Variants in PDZRN3 observed in about 807,000 individuals in gnomAD.
PDZRN3 encodes the protein E3 ubiquitin-protein ligase PDZRN3.
In PDZRN3, 38 loss-of-function variants were observed where a neutral mutation model predicts 85.7. The observed-to-expected ratio is 0.44, with a 90% confidence interval of 0.34 to 0.58. The LOEUF is 0.58. PDZRN3 is among the 20% of genes least tolerant of loss of function. The pLI is 0.01. For missense variants in PDZRN3, 1,629 were observed against 1,506.4 expected (o/e 1.08, Z -1.35); for synonymous variants, 759 against 638.0 (o/e 1.19, Z -2.86).
rs200099704 is a variant in PDZRN3 at position 73,384,199 on chromosome 3, C to T, written c.2367G>A (p.Pro789=). The T allele has an allele frequency of 9.6e-5, 155 of 1,613,820 alleles. No individual in the cohort carries two copies. Among genetic ancestry groups the T allele is most frequent in the Non-Finnish European group, 1.2e-4 (147 of 1,180,036 alleles). The change falls in exon 10 of 10, where the codon CCG becomes CCA. Residue 789 remains proline, a synonymous_variant. Transcript: ENST00000263666. ...TGGTCCCCACAGCCCCTTCGCTGCT[C>T]GGGCAGCTGATGCCCTCCGCCGCTC... ...LRRAAEGISC[P]SSEGAVGTTE... is the part of the protein sequence containing the mutation.
intron 3 of PDZRN3, among the ~76,000 whole-genome samples, chr3:73,440,029 C>T (rs138836957): frequency 1.9e-4 from 29 of 151,288 alleles, no homozygotes; most frequent in African/African-American, 5.2e-4. Context: ...TGAGCCACCG[C>T]GCCCAGACTC....
intron 3 of PDZRN3, among the ~76,000 whole-genome samples, chr3:73,505,845 T>G (rs937769413): frequency 6.6e-6 from 1 of 151,826 alleles, no homozygotes; most frequent in Middle Eastern, 3.2e-3. Flanking sequence ...AAAAATAAAA[T>G]TGCGCTGGAT....
At chr3:73,554,742 A>C (rs2106814480) in intron 3 of PDZRN3, among the ~76,000 whole-genome samples, 1 of 152,322 alleles carries the variant, frequency 6.6e-6, no homozygotes, top group African/African-American at 2.4e-5. Flanking sequence ...TCTTTCACAC[A>C]AATATTCTCA....
intron 3 of PDZRN3, among the ~76,000 whole-genome samples, chr3:73,432,705 A>G (rs942856733): frequency 4.6e-5 from 7 of 152,256 alleles, no homozygotes; most frequent in African/African-American, 1.7e-4. Context: ...AAATATATTA[A>G]TATGCCATTG....
At chr3:73,457,607 C>T (rs893836297) in intron 3 of PDZRN3, among the ~76,000 whole-genome samples, 2 of 152,120 alleles carry the variant, frequency 1.3e-5, no homozygotes, top group African/African-American at 4.8e-5. Flanking sequence ...CATCATTTTG[C>T]AAGCCCAGTA....
intron 3 of PDZRN3, among the ~76,000 whole-genome samples, chr3:73,446,425 T>G (rs145504713): frequency 7.8e-4 from 119 of 152,236 alleles, no homozygotes; most frequent in African/African-American, 2.7e-3. Flanking sequence ...CTGGTAAAAT[T>G]AGAGGGGAAC....
At chr3:73,541,029 A>G (rs1051223769) in intron 3 of PDZRN3, among the ~76,000 whole-genome samples, 1 of 152,230 alleles carries the variant, frequency 6.6e-6, no homozygotes, top group East Asian at 1.9e-4. Context: ...AAAACTTCTT[A>G]AGAAGCAAAG....
At chr3:73,525,652 G>A (rs57956598) in intron 3 of PDZRN3, among the ~76,000 whole-genome samples, 4,558 of 152,258 alleles carry the variant, frequency 0.03, 214 homozygotes, top group African/African-American at 0.1. Flanking sequence ...CTCATGATGA[G>A]CAGCTACTTT....
At chr3:73,610,602 G>A (rs1702668319) in intron 1 of PDZRN3, among the ~76,000 whole-genome samples, 2 of 152,164 alleles carry the variant, frequency 1.3e-5, no homozygotes, top group Non-Finnish European at 1.5e-5. Context: ...GGGGTGAAAA[G>A]TTAGAAATAC....
rs1488166971 is a variant in PDZRN3 at position 73,385,917 on chromosome 3, GC to G, written c.1519-133del. On this transcript the variant is annotated intron_variant, in intron 8 of 9. Coordinates refer to ENST00000263666, the MANE Select transcript of PDZRN3 (RefSeq NM_015009.3). The stretch of plus-strand genomic sequence containing the variant: ...TCCAAGAGTCATCAAAATGCAGTCT[GC>G]CCAATGATTTGCTGTTAAGTCAGGA... The G allele has an allele frequency of 4.8e-6, 3 of 626,954 alleles. No homozygotes were observed. In the African/African-American group the frequency reaches 5.5e-5, roughly 12 times the overall value. The allele number at this position is 626,954 out of a possible 1,614,324, so 38.8% of individuals were successfully genotyped here.
At chr3:73,402,941 C>CTTTGTTTTTTTTTT (rs1701780823) in intron 4 of PDZRN3, among the ~76,000 whole-genome samples, 1 of 115,674 alleles carries the variant, frequency 8.6e-6, no homozygotes, top group Non-Finnish European at 1.7e-5. Context: ...ACATGAAAAG[C>CTTTGTTTTTTTTTT]TTTTTTTTTT....
intron 3 of PDZRN3, among the ~76,000 whole-genome samples, chr3:73,534,282 T>C (rs1352742850): frequency 6.6e-6 from 1 of 152,202 alleles, no homozygotes; most frequent in African/African-American, 2.4e-5. Flanking sequence ...AAGGGCTGAA[T>C]CAGTGGGTGA....
intron 3 of PDZRN3, chr3:73,434,072 A>C (rs1702486148): frequency 4.6e-5 from 21 of 458,752 alleles, no homozygotes; most frequent in Non-Finnish European, 6.0e-5. Flanking sequence ...TATTCATAAC[A>C]GACAATGATA....
At chr3:73,617,209 T>G (rs1379104324) in intron 1 of PDZRN3, among the ~76,000 whole-genome samples, 4 of 152,220 alleles carry the variant, frequency 2.6e-5, no homozygotes, top group Non-Finnish European at 5.9e-5. Context: ...CTGCAAGGCC[T>G]GCAACATACA....
At chr3:73,441,268 T>C (rs896337552) in intron 3 of PDZRN3, among the ~76,000 whole-genome samples, 20 of 151,646 alleles carry the variant, frequency 1.3e-4, no homozygotes, top group African/African-American at 4.6e-4. Context: ...CAAAAATTAG[T>C]TGGGCGTGGT....
intron 3 of PDZRN3, among the ~76,000 whole-genome samples, chr3:73,444,269 C>T (rs1702704983): frequency 6.6e-6 from 1 of 152,190 alleles, no homozygotes; most frequent in Admixed American, 6.5e-5. Flanking sequence ...CCAATTTGTC[C>T]ATCAGAATTG....
chr3:73,383,417 G>A lies in PDZRN3; in HGVS notation c.3149C>T (p.Ser1050Phe), dbSNP rs754556468. The A allele has an allele frequency of 6.2e-7, 1 of 1,613,966 alleles. No homozygotes were observed. The highest frequency in any genetic ancestry group is 1.3e-5 in the African/African-American group (1 of 74,918). ...IQELLTHGTK[S>F]PDGTRVYNSF... ...ATTGTATACTCTAGTGCCGTCCGGG[G>A]ATTTTGTGCCGTGGGTTAAGAGTTC... The change falls in exon 10 of 10, where the codon TCC becomes TTC. Residue 1050 changes from serine (S) to phenylalanine (F), a missense_variant. Physicochemically the swap from Ser to Phe is radical, Grantham distance 155. Transcript: ENST00000263666.
At position 73,384,435 on chromosome 3, in the gene PDZRN3, G is replaced by C. The variant is rs1323934674; in HGVS notation, c.2131C>G (p.Leu711Val). 3.1e-6 allele frequency: 5 copies of C among 1,611,560 alleles called. No individual in the cohort carries two copies. The highest frequency in any genetic ancestry group is 3.3e-4 in the Middle Eastern group (2 of 6,084). The change falls in exon 10 of 10, where the codon CTC (leucine) becomes GTC (valine). Residue 711 changes from leucine to valine, a missense_variant. By Grantham distance (32) the Leu-to-Val change is conservative (BLOSUM62 1). Transcript: ENST00000263666. ...CAGGACTCGCGGTACTGCTCCTTGA[G>C]CTGCTGCATCTTGTGGGCGCGCACG... ...SIVRAHKMQQ[L>V]KEQYRESWML...
chr3:73,401,472 G>C lies in PDZRN3; in HGVS notation c.1167-463C>G, dbSNP rs192934003. 4.3e-3 allele frequency among the ~76,000 whole-genome samples: 659 copies of C among 152,304 alleles called. 3 individuals are homozygous for C. Among genetic ancestry groups the C allele is most frequent in the Non-Finnish European group, 6.6e-3 (451 of 68,022 alleles). On this transcript the variant is annotated intron_variant, in intron 4 of 9. Transcript: ENST00000263666. ...AAAAGGCTGAGAATGAAACTGTTCT[G>C]CTGTTACCTAGGACCGTGTCTTTTT...
Sources: allele counts gnomAD v4.1 joint callset (sites outside exome capture counted in the v4.1 genomes callset), GRCh38; gene constraint gnomAD v4.1.1; transcripts MANE v1.5; gene names NCBI Gene and HGNC (gene_info 2026-07-23, HGNC 2026-07-21).